INVS: variants seen among roughly 807,000 people sequenced by gnomAD.
The protein encoded by INVS is inversion of embryo turning homolog.
INVS carries 86 observed loss-of-function variants against 108.8 expected under a neutral mutation model. The ratio of observed to expected loss-of-function variants is 0.79; its 90% confidence interval spans 0.66 to 0.95. The LOEUF (loss-of-function observed/expected upper bound fraction) is 0.95. Among genes scored for constraint, INVS ranks in the 40% least tolerant of loss-of-function variants. The probability of loss-of-function intolerance (pLI) is 0.00; values close to 1 mark genes in which losing one functional copy is unlikely to be tolerated. For missense variants in INVS, 1,169 were observed against 1,297.4 expected (o/e 0.90, Z 1.52); for synonymous variants, 455 against 473.5 (o/e 0.96, Z 0.51).
At chr9:100,114,391 CTTTTTTTTT>C (rs67549379) in intron 2 of INVS, among the ~76,000 whole-genome samples, 27 of 64,860 alleles carry the variant, frequency 4.2e-4, no homozygotes, top group Non-Finnish European at 5.5e-4. Flanking sequence ...AGATTTCTTT[CTTTTTTTTT>C]TTTTTTTTTT....
At chr9:100,146,864 A>T (rs1347236215) in intron 3 of INVS, among the ~76,000 whole-genome samples, 1 of 152,160 alleles carries the variant, frequency 6.6e-6, no homozygotes, top group Non-Finnish European at 1.5e-5. Context: ...TGCTGTTTCC[A>T]CTATTGTGAA....
Position 100,292,943 on chromosome 9 carries a change from G to C in INVS, c.2686G>C (p.Val896Leu), listed in dbSNP as rs114847355. 1.7e-5 allele frequency: 28 copies of C among 1,613,084 alleles called. No homozygotes were observed. The highest frequency in any genetic ancestry group is 1.3e-4 in the Admixed American group (8 of 59,988). ...GAGTGTGAATATTGACCTTCTCCCC[G>C]TAGAGCTCCGACTGCAGATAATTCA... Reference protein sequence around the residue: ...GQSVNIDLLPVELRLQIIQRE... With the variant: ...GQSVNIDLLPLELRLQIIQRE... The change falls in exon 14 of 17, where the codon GTA becomes CTA. Residue 896 changes from valine (V) to leucine (L), a missense_variant. Val to Leu is a conservative substitution (Grantham distance 32). Around this residue, in one of 3 missense-constraint regions of INVS, gnomAD observed 533 missense variants for 536.0 expected, o/e 0.99. Coordinates refer to ENST00000262457, the MANE Select transcript of INVS (RefSeq NM_014425.5).
intron 5 of INVS, among the ~76,000 whole-genome samples, chr9:100,235,018 A>G (rs1464213224): frequency 1.3e-5 from 2 of 152,158 alleles, no homozygotes; most frequent in South Asian, 2.1e-4. Flanking sequence ...TGTAGGTCTC[A>G]AAGAACTTGC....
Position 100,226,130 on chromosome 9 carries a change from G to A in INVS, c.342G>A (p.Glu114=), listed in dbSNP as rs1222088207. The change falls in exon 4 of 17, where the codon GAG becomes GAA. Residue 114 remains glutamate, a synonymous_variant. Coordinates refer to ENST00000262457, the MANE Select transcript of INVS (RefSeq NM_014425.5). ...RANWMQKDLE[E]MTPLHLTTRH... is the part of the protein sequence containing the mutation. Reference sequence around the variant, plus strand: ...ACTGGATGCAAAAGGATCTGGAAGAGATGACTCCTTTGCACTTGACCACCC... The same window carrying A: ...ACTGGATGCAAAAGGATCTGGAAGAAATGACTCCTTTGCACTTGACCACCC... 6.2e-7 allele frequency: 1 copy of A among 1,613,868 alleles called. No homozygotes were observed. Among genetic ancestry groups the A allele is most frequent in the Admixed American group, 1.7e-5 (1 of 60,008 alleles).
intron 10 of INVS, among the ~76,000 whole-genome samples, chr9:100,257,362 A>G (rs544234645): frequency 2.6e-5 from 4 of 152,230 alleles, no homozygotes; most frequent in Middle Eastern, 3.4e-3. Flanking sequence ...ACTGTATCCA[A>G]TTTGCCAGTC....
At position 100,187,525 on chromosome 9, in the gene INVS, C is replaced by CTTTTTTTT. The variant is rs34728274; in HGVS notation, c.274-38525_274-38518dup. 1.1e-4 allele frequency among the ~76,000 whole-genome samples: 12 copies of CTTTTTTTT among 105,564 alleles called. 3 individuals are homozygous for CTTTTTTTT. The highest frequency in any genetic ancestry group is 3.5e-4 in the African/African-American group (8 of 22,706). 69.3% of individuals were successfully genotyped at this position (105,564 alleles called of 152,430 possible). A position where few individuals can be genotyped will look rare whatever the true frequency, so the allele number is the denominator to read the frequency against. ...CATTTGTTTGTATCATCTATGATTTCTTTTTTTTTTTTTTTTTTTGAGACA... is the reference window on the plus strand; with the variant it reads ...CATTTGTTTGTATCATCTATGATTTCTTTTTTTTTTTTTTTTTTTTTTTTTTTGAGACA... On this transcript the variant is annotated intron_variant, in intron 3 of 16. Coordinates refer to ENST00000262457, the MANE Select transcript of INVS (RefSeq NM_014425.5).
chr9:100,213,476 G>GA (rs1157738710), intron 3 of INVS, among the ~76,000 whole-genome samples: 2 of 151,844 alleles, frequency 1.3e-5, no homozygotes, highest in Non-Finnish European at 2.9e-5. Context: ...AAAGTGCTGG[G>GA]ATACAGGCAT....
chr9:100,112,850 T>C (rs940411509), intron 2 of INVS, among the ~76,000 whole-genome samples: 3 of 152,216 alleles, frequency 2.0e-5, no homozygotes, highest in Non-Finnish European at 4.4e-5. Flanking sequence ...CTTACTCTTG[T>C]GACCATAGTT....
intron 2 of INVS, among the ~76,000 whole-genome samples, chr9:100,110,278 TG>T (rs557169803): frequency 1.9e-3 from 297 of 152,328 alleles, no homozygotes; most frequent in Non-Finnish European, 3.7e-3. Context: ...ATGAAGAGTT[TG>T]GGGTATTAGT....
At chr9:100,289,621 G>A (rs1233807772) in intron 13 of INVS, among the ~76,000 whole-genome samples, 1 of 152,204 alleles carries the variant, frequency 6.6e-6, no homozygotes, top group Non-Finnish European at 1.5e-5. Flanking sequence ...CTGGCAATTG[G>A]TGGTGGCTGT....
At chr9:100,183,128 A>C (rs1350024350) in intron 3 of INVS, among the ~76,000 whole-genome samples, 1 of 152,074 alleles carries the variant, frequency 6.6e-6, no homozygotes, top group African/African-American at 2.4e-5. Flanking sequence ...CTGCCGGGGG[A>C]TGAGGGGTAA....
intron 13 of INVS, among the ~76,000 whole-genome samples, chr9:100,284,845 TTTTC>T (rs1176082265): frequency 6.6e-6 from 1 of 152,170 alleles, no homozygotes; most frequent in East Asian, 1.9e-4. Flanking sequence ...TTTTGTTTTC[TTTTC>T]TTTTTTAGAG....
At chr9:100,157,032 T>C (rs1051496274) in intron 3 of INVS, among the ~76,000 whole-genome samples, 1 of 151,356 alleles carries the variant, frequency 6.6e-6, no homozygotes, top group Non-Finnish European at 1.5e-5. Context: ...TTAAATATAA[T>C]CTATTTTTCA....
chr9:100,192,626 G>T (rs923681582), intron 3 of INVS, among the ~76,000 whole-genome samples: 1 of 152,108 alleles, frequency 6.6e-6, no homozygotes, highest in Non-Finnish European at 1.5e-5. Context: ...AGTAGATACT[G>T]CCTAATGGTT....
chr9:100,264,002 C>T (rs1412920455), intron 10 of INVS, among the ~76,000 whole-genome samples: 3 of 152,014 alleles, frequency 2.0e-5, no homozygotes, highest in African/African-American at 4.8e-5. Context: ...TTAATTTTGT[C>T]GATTTTTCCC....
At chr9:100,199,210 C>T (rs1030023329) in intron 3 of INVS, among the ~76,000 whole-genome samples, 23 of 152,100 alleles carry the variant, frequency 1.5e-4, no homozygotes, top group African/African-American at 5.1e-4. Context: ...TCTTATCACT[C>T]ATTTCAGGCA....
chr9:100,218,440 T>G (rs1831054170), intron 3 of INVS, among the ~76,000 whole-genome samples: 1 of 152,144 alleles, frequency 6.6e-6, no homozygotes, highest in Admixed American at 6.6e-5. Flanking sequence ...AGTAATCGTC[T>G]CAGCTGAAGA....
intron 2 of INVS, among the ~76,000 whole-genome samples, chr9:100,115,459 C>T (rs1360373092): frequency 6.6e-6 from 1 of 152,122 alleles, no homozygotes; most frequent in African/African-American, 2.4e-5. Context: ...CCCCCGTCCC[C>T]CGACCCCACA....
At chr9:100,129,877 T>A in intron 3 of INVS, 1 of 455,050 alleles carries the variant, frequency 2.2e-6, no homozygotes, top group Non-Finnish European at 4.1e-6. Context: ...GAGATAATAG[T>A]GGCTGGAACT....
Sources: gnomAD v4.1 joint callset for allele counts (sites outside exome capture counted in the v4.1 genomes callset) on GRCh38, gnomAD v4.1.1 for gene constraint, gnomAD v4.1.1 regional missense constraint, MANE v1.5 for transcripts, NCBI Gene and HGNC (gene_info 2026-07-23, HGNC 2026-07-21) for gene names.